Variants in CSMD1 observed in about 807,000 individuals in gnomAD.
The protein encoded by CSMD1 is CUB and Sushi multiple domains 1, also known as CUB and sushi domain-containing protein 1.
A neutral mutation model predicts 417.5 loss-of-function variants in CSMD1; 213 were observed. The ratio of observed to expected loss-of-function variants is 0.51; its 90% confidence interval spans 0.46 to 0.57. The LOEUF (loss-of-function observed/expected upper bound fraction) is 0.57. Ranked by LOEUF, CSMD1 falls within the 20% of genes least tolerant of loss-of-function variation. The pLI is 0.00. For missense variants in CSMD1, 6,923 were observed against 4,529.7 expected (o/e 1.53, Z -15.17); for synonymous variants, 2,862 against 1,736.8 (o/e 1.65, Z -16.11).
At chr8:3,673,317 C>A (rs578041903) in intron 7 of CSMD1, among the ~76,000 whole-genome samples, 8 of 152,266 alleles carry the variant, frequency 5.3e-5, no homozygotes, top group Non-Finnish European at 7.4e-5. Context: ...AACAGGTAAA[C>A]TGAAAATTCA....
intron 3 of CSMD1, among the ~76,000 whole-genome samples, chr8:4,250,681 T>C (rs1377885172): frequency 6.6e-6 from 1 of 152,168 alleles, no homozygotes; most frequent in Non-Finnish European, 1.5e-5. Context: ...ATTTTATGTC[T>C]CAGCAAATAT....
rs1480549393 is a variant in CSMD1, at chr8:4,521,754, T to A, written c.303-101689A>T. On this transcript the variant is annotated intron_variant, in intron 2 of 69. Transcript: ENST00000635120. Reference sequence around the variant, plus strand: ...AGCTCATAAGAACAGAAGGCATAGATTAGAGAAAGCTCTTCACTGGATACT... The same window carrying A: ...AGCTCATAAGAACAGAAGGCATAGAATAGAGAAAGCTCTTCACTGGATACT... Among the ~76,000 whole-genome samples the A allele has an allele frequency of 2.0e-5, 3 of 152,106 alleles. No homozygotes were observed. The East Asian group carries it at 5.8e-4, about 29-fold the overall frequency.
intron 3 of CSMD1, among the ~76,000 whole-genome samples, chr8:4,204,813 C>A (rs1320564565): frequency 6.7e-6 from 1 of 148,176 alleles, no homozygotes; most frequent in African/African-American, 2.6e-5. Flanking sequence ...GGTCAGCACA[C>A]ACAGCTAACT....
At chr8:3,840,268 A>C (rs1803039043) in intron 5 of CSMD1, among the ~76,000 whole-genome samples, 1 of 152,182 alleles carries the variant, frequency 6.6e-6, no homozygotes, top group South Asian at 2.1e-4. Context: ...GGTGAAACAG[A>C]TGTTCAAGAA....
chr8:3,318,905 A>G (rs1171055782), intron 23 of CSMD1, among the ~76,000 whole-genome samples: 1 of 152,192 alleles, frequency 6.6e-6, no homozygotes, highest in Non-Finnish European at 1.5e-5. Flanking sequence ...GTCATGCTTG[A>G]TGGCAGGTGC....
intron 2 of CSMD1, among the ~76,000 whole-genome samples, chr8:4,495,228 AT>A (rs1303279052): frequency 1.4e-4 from 21 of 152,210 alleles, no homozygotes; most frequent in African/African-American, 5.1e-4. Flanking sequence ...AGGATTAATA[AT>A]GGGAAACTAC....
intron 1 of CSMD1, among the ~76,000 whole-genome samples, chr8:4,844,334 T>G (rs887773211): frequency 3.3e-5 from 5 of 150,986 alleles, no homozygotes; most frequent in African/African-American, 7.3e-5. Flanking sequence ...ATACATTTTG[T>G]TTTTTTTGCA....
intron 48 of CSMD1, among the ~76,000 whole-genome samples, chr8:3,090,966 T>C (rs896629138): frequency 6.6e-6 from 1 of 152,156 alleles, no homozygotes; most frequent in Non-Finnish European, 1.5e-5. Flanking sequence ...TGGCAGAGAA[T>C]GATTACAGTA....
intron 5 of CSMD1, among the ~76,000 whole-genome samples, chr8:3,905,106 A>G (rs551948203): frequency 6.6e-6 from 1 of 152,186 alleles, no homozygotes; most frequent in African/African-American, 2.4e-5. Context: ...AAACTGAGGC[A>G]ATTTTAATAT....
chr8:4,423,018 G>T (rs779253282), intron 2 of CSMD1, among the ~76,000 whole-genome samples: 1 of 151,808 alleles, frequency 6.6e-6, no homozygotes, highest in African/African-American at 2.4e-5. Flanking sequence ...TGATTGGAAG[G>T]AATCTTCTCC....
At chr8:4,210,834 G>T (rs551008847) in intron 3 of CSMD1, among the ~76,000 whole-genome samples, 6 of 152,226 alleles carry the variant, frequency 3.9e-5, no homozygotes, top group African/African-American at 1.4e-4. Flanking sequence ...AAAGAATCAT[G>T]TATCTCGGGA....
At position 3,599,519 on chromosome 8, in the gene CSMD1, G is replaced by C. The variant is rs372190003; in HGVS notation, c.1098-13259C>G. On this transcript the variant is annotated intron_variant, in intron 8 of 69. Transcript: ENST00000635120. Reference sequence around the variant, plus strand: ...AGTTAGTAACCCCAACACAGCATTAGTAACCCCAACGCAGCATTGTTAACC... The same window carrying C: ...AGTTAGTAACCCCAACACAGCATTACTAACCCCAACGCAGCATTGTTAACC... 7.2e-5 allele frequency among the ~76,000 whole-genome samples: 11 copies of C among 151,912 alleles called. No individual in the cohort carries two copies. The East Asian group carries it at 9.7e-4, about 13-fold the overall frequency.
intron 46 of CSMD1, among the ~76,000 whole-genome samples, chr8:3,100,063 T>TTGTC (rs113657585): frequency 0.73 from 110,806 of 151,344 alleles, 41,439 homozygotes; most frequent in East Asian, 0.96. Flanking sequence ...GTTTGTTTGT[T>TTGTC]TGAGATAGGG....
chr8:3,280,531 C>T (rs943623839), intron 26 of CSMD1, among the ~76,000 whole-genome samples: 2 of 152,072 alleles, frequency 1.3e-5, no homozygotes, highest in Non-Finnish European at 2.9e-5. Flanking sequence ...TATATTCTAG[C>T]CCCTAAATGA....
chr8:4,165,673 A>C (rs1482618217), intron 3 of CSMD1, among the ~76,000 whole-genome samples: 3 of 152,148 alleles, frequency 2.0e-5, no homozygotes. Context: ...AAAGTGCCGG[A>C]ATTACAGGCG....
chr8:3,743,466 T>C (rs536192709), intron 6 of CSMD1, among the ~76,000 whole-genome samples: 5 of 152,274 alleles, frequency 3.3e-5, no homozygotes, highest in East Asian at 1.9e-4. Context: ...GAATAAGTAA[T>C]TGATATTGAC....
rs189397906 is a variant in CSMD1 at position 4,869,471 on chromosome 8, A to T, written c.85+124861T>A. ...AATGAAAGCATATATCTGCAACCAG[A>T]CTATATAATGCAGTCAAAAGTTTAA... On this transcript the variant is annotated intron_variant, in intron 1 of 69. Coordinates refer to ENST00000635120, the MANE Select transcript of CSMD1 (RefSeq NM_033225.6). 7.4e-4 allele frequency among the ~76,000 whole-genome samples: 113 copies of T among 152,172 alleles called. 4 individuals are homozygous for T. The highest frequency in any genetic ancestry group is 2.6e-3 in the African/African-American group (110 of 41,510).
intron 2 of CSMD1, among the ~76,000 whole-genome samples, chr8:4,494,370 A>C (rs1265568113): frequency 6.6e-6 from 1 of 152,200 alleles, no homozygotes; most frequent in Non-Finnish European, 1.5e-5. Context: ...AGACTTACTA[A>C]AGTGAAATAT....
chr8:3,212,321 G>A (rs1177984577), intron 30 of CSMD1, among the ~76,000 whole-genome samples: 1 of 152,128 alleles, frequency 6.6e-6, no homozygotes, highest in Non-Finnish European at 1.5e-5. Flanking sequence ...AAGGACTGAT[G>A]CATAACCTGG....
Sources: allele counts gnomAD v4.1 joint callset (sites outside exome capture counted in the v4.1 genomes callset), GRCh38; gene constraint gnomAD v4.1.1; transcripts MANE v1.5; gene names NCBI Gene and HGNC (gene_info 2026-07-23, HGNC 2026-07-21).